FBXL5: variants seen among roughly 807,000 people sequenced by gnomAD.
FBXL5 encodes F-box and leucine rich repeat protein 5.
In FBXL5, 26 loss-of-function variants were observed where a neutral mutation model predicts 78.3. The observed-to-expected ratio is 0.33, with a 90% CI of 0.24 to 0.46. FBXL5 has a LOEUF of 0.46. FBXL5 is among the 20% of genes least tolerant of loss of function. The probability of loss-of-function intolerance (pLI) is 1.00; values close to 1 mark genes in which losing one functional copy is unlikely to be tolerated. For missense variants in FBXL5, 710 were observed against 829.2 expected, an observed-to-expected ratio of 0.86 and a Z score of 1.77; for synonymous variants, 295 against 282.5, an observed-to-expected ratio of 1.04 and a Z score of -0.45.
At chr4:15,673,420 A>C (rs906508247) in intron 1 of FBXL5, among the ~76,000 whole-genome samples, 16 of 152,260 alleles carry the variant, frequency 1.1e-4, no homozygotes, top group African/African-American at 3.4e-4. Context: ...CACCCTGGGC[A>C]ACAGAGTGAG....
intron 1 of FBXL5, among the ~76,000 whole-genome samples, chr4:15,648,722 T>C (rs1715624298): frequency 6.6e-6 from 1 of 151,990 alleles, no homozygotes; most frequent in South Asian, 2.1e-4. Context: ...ATGGAGAAAA[T>C]GGGGAGATGC....
At chr4:15,675,999 G>A (rs1717981241) in intron 1 of FBXL5, among the ~76,000 whole-genome samples, 1 of 152,142 alleles carries the variant, frequency 6.6e-6, no homozygotes, top group Admixed American at 6.5e-5. Context: ...GGAGTGAGAG[G>A]TGAAAAAGAG....
In FBXL5 at chr4:15,644,482, T is replaced by C. The variant is rs1347215569; in HGVS notation, c.300+11A>G. 1 of 1,589,766 alleles carries C rather than the reference T, an allele frequency of 6.3e-7. No individual in the cohort carries two copies. Among genetic ancestry groups the C allele is most frequent in the South Asian group, 1.1e-5 (1 of 90,508 alleles). On this transcript the variant is annotated intron_variant, in intron 2 of 10. Coordinates refer to ENST00000341285, the MANE Select transcript of FBXL5 (RefSeq NM_012161.4). ...AGTTTTGACAGTTGAATATCCATTT[T>C]TGCAACTTACCTTAACATTCTTCAG...
At chr4:15,639,374 A>G (rs867833986) in intron 3 of FBXL5, among the ~76,000 whole-genome samples, 1 of 152,230 alleles carries the variant, frequency 6.6e-6, no homozygotes, top group Non-Finnish European at 1.5e-5. Context: ...TCTGCCTCAC[A>G]TGAGAGTAGT....
chr4:15,616,858 G>A (rs1711942220), intron 9 of FBXL5, among the ~76,000 whole-genome samples: 1 of 152,188 alleles, frequency 6.6e-6, no homozygotes, highest in African/African-American at 2.4e-5. Context: ...TGTGTTCAGA[G>A]GCAGACATTT....
Position 15,628,003 on chromosome 4 carries a change from C to G in FBXL5, c.923G>C (p.Ser308Thr). 6.2e-7 allele frequency: 1 copy of G among 1,613,586 alleles called. No homozygotes were observed. Among genetic ancestry groups the G allele is most frequent in the Non-Finnish European group, 8.5e-7 (1 of 1,179,810 alleles). Residue 308 changes from serine to threonine, a missense_variant, in exon 7 of 11, where the codon AGC becomes ACC. Ser to Thr is a moderately conservative substitution (Grantham distance 58). Transcript: ENST00000341285. ...TAAACGTTTTTCCATTTGTGCAATG[C>G]TGATAGCAATTGATTCCTCCGCAGA... ...EESAEESIAI[S>T]IAQMEKRLLH...
At chr4:15,622,202 T>C (rs977527975) in intron 9 of FBXL5, among the ~76,000 whole-genome samples, 3 of 152,168 alleles carry the variant, frequency 2.0e-5, no homozygotes, top group African/African-American at 7.2e-5. Flanking sequence ...TGAATAAACA[T>C]AATGACTAAA....
intron 9 of FBXL5, 62 bp downstream of exon 9, chr4:15,625,190 T>A (rs1288528473): frequency 2.0e-6 from 3 of 1,504,432 alleles, no homozygotes; most frequent in Non-Finnish European, 2.7e-6. Flanking sequence ...ATCAAAATTT[T>A]TATATTCCAT....
upstream of FBXL5, among the ~76,000 whole-genome samples, chr4:15,661,188 T>C (rs1289817397): frequency 6.6e-6 from 1 of 152,230 alleles, no homozygotes; most frequent in Non-Finnish European, 1.5e-5. Flanking sequence ...ACCAAGGTGA[T>C]TCTTTGGACT....
chr4:15,663,988 C>G (rs1355576147), upstream of FBXL5, among the ~76,000 whole-genome samples: 1 of 152,152 alleles, frequency 6.6e-6, no homozygotes, highest in Non-Finnish European at 1.5e-5. Context: ...TGTAGGCACT[C>G]TTATCCTGAT....
chr4:15,605,630 G>C lies in FBXL5; in HGVS notation c.*93C>G, dbSNP rs1445878156. ...GGCCAAAACAAGTCACGCTCAAAAAGGGATGGTTAACACAAGAAATGTGCT... is the reference window on the plus strand; with the variant it reads ...GGCCAAAACAAGTCACGCTCAAAAACGGATGGTTAACACAAGAAATGTGCT... On this transcript the variant is annotated 3_prime_UTR_variant, in exon 11 of 11. Coordinates refer to ENST00000341285, the MANE Select transcript of FBXL5 (RefSeq NM_012161.4). 1.9e-6 allele frequency: 2 copies of C among 1,032,950 alleles called. No individual in the cohort carries two copies. Among genetic ancestry groups the C allele is most frequent in the African/African-American group, 3.1e-5 (2 of 64,152 alleles). 64.0% of individuals were successfully genotyped at this position (1,032,950 alleles called of 1,614,324 possible).
chr4:15,681,421 G>T, exon 1 of FBXL5: 1 of 173,310 alleles, frequency 5.8e-6, no homozygotes, highest in South Asian at 1.5e-4. Context: ...TGCGCCAACC[G>T]AAAGGCCTCC....
chr4:15,659,596 T>C (rs1313143190), upstream of FBXL5: 3 of 245,456 alleles, frequency 1.2e-5, no homozygotes, highest in African/African-American at 6.9e-5. Flanking sequence ...GTTTAGATAA[T>C]ACTAAAATCA....
intron 5 of FBXL5, among the ~76,000 whole-genome samples, chr4:15,631,916 T>C (rs183053430): frequency 1.2e-3 from 183 of 152,330 alleles, no homozygotes; most frequent in Non-Finnish European, 8.1e-4. Flanking sequence ...AGCCTTTAGT[T>C]TAATTAGATC....
At chr4:15,618,379 T>C (rs1170498314) in intron 9 of FBXL5, among the ~76,000 whole-genome samples, 1 of 151,804 alleles carries the variant, frequency 6.6e-6, no homozygotes, top group Non-Finnish European at 1.5e-5. Flanking sequence ...ATGATGAAAA[T>C]AATTAAAAGA....
chr4:15,615,706 A>C (rs1193588860), intron 9 of FBXL5, among the ~76,000 whole-genome samples: 1 of 151,106 alleles, frequency 6.6e-6, no homozygotes, highest in Non-Finnish European at 1.5e-5. Context: ...TCTGTATCTA[A>C]CTAACCTGAT....
At chr4:15,632,321 G>A (rs952892650) in intron 5 of FBXL5, among the ~76,000 whole-genome samples, 1 of 152,148 alleles carries the variant, frequency 6.6e-6, no homozygotes, top group South Asian at 2.1e-4. Flanking sequence ...CTGTAGCCTT[G>A]TAGTATAGTT....
At chr4:15,613,426 G>C (rs1302550057) in intron 9 of FBXL5, among the ~76,000 whole-genome samples, 2 of 152,070 alleles carry the variant, frequency 1.3e-5, no homozygotes, top group Non-Finnish European at 2.9e-5. Context: ...TACATAAATA[G>C]GATAAAATTA....
chr4:15,632,563 ATTTG>A (rs1295615388), intron 5 of FBXL5, among the ~76,000 whole-genome samples: 2 of 152,042 alleles, frequency 1.3e-5, no homozygotes, highest in Non-Finnish European at 2.9e-5. Flanking sequence ...ATGTTCTTCC[ATTTG>A]TTTGTGTCCT....
Sources: allele counts gnomAD v4.1 joint callset (sites outside exome capture counted in the v4.1 genomes callset), GRCh38; gene constraint gnomAD v4.1.1; transcripts MANE v1.5; gene names NCBI Gene and HGNC (gene_info 2026-07-23, HGNC 2026-07-21).